Variants in TBL1XR1 observed in about 807,000 individuals in gnomAD.
TBL1XR1 encodes the protein TBL1X/Y related 1.
A neutral mutation model predicts 66.9 loss-of-function variants in TBL1XR1; 5 were observed. The observed-to-expected ratio is 0.07, with a 90% CI of 0.04 to 0.16. The LOEUF (loss-of-function observed/expected upper bound fraction) is 0.16, where lower values mean the gene tolerates loss of function less well. Ranked by LOEUF, TBL1XR1 falls within the 10% of genes least tolerant of loss-of-function variation. The probability of loss-of-function intolerance (pLI) is 1.00; values close to 1 mark genes in which losing one functional copy is unlikely to be tolerated. For synonymous variants in TBL1XR1, 210 were observed against 206.0 expected, an observed-to-expected ratio of 1.02 and a Z score of -0.17; for missense variants, 238 against 623.2, an observed-to-expected ratio of 0.38 and a Z score of 6.58.
At chr3:177,142,319 AGTCACATTT>A (rs1729729788) in intron 1 of TBL1XR1, among the ~76,000 whole-genome samples, 1 of 152,238 alleles carries the variant, frequency 6.6e-6, no homozygotes, top group Admixed American at 6.5e-5. Flanking sequence ...GCAGTTCTGT[AGTCACATTT>A]ATACCTACTC....
intron 1 of TBL1XR1, among the ~76,000 whole-genome samples, chr3:177,125,379 AAC>A (rs1727485507): frequency 6.6e-6 from 1 of 152,150 alleles, no homozygotes; most frequent in South Asian, 2.1e-4. Flanking sequence ...TCAACAAAAA[AAC>A]AGTGATAAGG....
chr3:177,116,238 G>A (rs1726295525), intron 1 of TBL1XR1, among the ~76,000 whole-genome samples: 1 of 152,040 alleles, frequency 6.6e-6, no homozygotes, highest in Non-Finnish European at 1.5e-5. Flanking sequence ...AATTTTCTAT[G>A]TATAAATTTA....
chr3:177,198,383 CTA>C (rs1403912678), upstream of TBL1XR1, among the ~76,000 whole-genome samples: 1 of 152,136 alleles, frequency 6.6e-6, no homozygotes, highest in Non-Finnish European at 1.5e-5. Flanking sequence ...AATAATGTAA[CTA>C]AATGTTTACT....
At position 177,021,221 on chromosome 3, in the gene TBL1XR1, TC is replaced by T. The variant is rs1361481088; in HGVS notation, c.*4276del. ...AAGTCAGGAAAGAAGAAAATTTACT[TC>T]CGTATTCAAGGATTACAGAGCTACA... On this transcript the variant is annotated 3_prime_UTR_variant, in exon 16 of 16. Coordinates refer to ENST00000457928, the MANE Select transcript of TBL1XR1 (RefSeq NM_024665.7). 6.6e-6 allele frequency: 1 copy of T among 152,548 alleles called. No homozygotes were observed. Among genetic ancestry groups the T allele is most frequent in the African/African-American group, 2.4e-5 (1 of 41,440 alleles). 9.4% of individuals were successfully genotyped at this position (152,548 alleles called of 1,614,324 possible).
Position 177,021,869 on chromosome 3 carries a change from C to T in TBL1XR1, c.*3629G>A, listed in dbSNP as rs1712421134. ...TAATCACAGGTTCTGTAGAAATGTA[C>T]AATGTACTTAAGATAATGAAAATTG... On this transcript the variant is annotated 3_prime_UTR_variant, in exon 16 of 16. Coordinates refer to ENST00000457928, the MANE Select transcript of TBL1XR1 (RefSeq NM_024665.7). 6.6e-6 allele frequency: 1 copy of T among 152,558 alleles called. No individual in the cohort carries two copies. The highest frequency in any genetic ancestry group is 2.1e-4 in the South Asian group (1 of 4,830). 9.5% of individuals were successfully genotyped at this position (152,558 alleles called of 1,614,324 possible).
intron 1 of TBL1XR1, chr3:177,126,056 G>GC (rs1444773409): frequency 1.3e-5 from 2 of 152,202 alleles, no homozygotes; most frequent in Non-Finnish European, 2.9e-5. Flanking sequence ...TGTCATCCTT[G>GC]TGCAGGGGAC....
chr3:177,047,697 CCACTAAAGGCCTATGAAACCCTT>C, intron 7 of TBL1XR1, 148 bp from the exon 8 acceptor site: 1 of 758,646 alleles, frequency 1.3e-6, no homozygotes, highest in Admixed American at 2.7e-5. Flanking sequence ...CTTGTGAGTG[CCACTAAAGGCCTATGAAACCCTT>C]CCACTGTGTG....
intron 2 of TBL1XR1, among the ~76,000 whole-genome samples, chr3:177,070,500 A>C (rs1719830942): frequency 6.6e-6 from 1 of 152,228 alleles, no homozygotes; most frequent in Non-Finnish European, 1.5e-5. Context: ...AATCAGTCAC[A>C]GAACTTAAGG....
intron 1 of TBL1XR1, among the ~76,000 whole-genome samples, chr3:177,172,571 T>C (rs972262111): frequency 3.5e-5 from 5 of 144,136 alleles, no homozygotes. Flanking sequence ...TAGTGAGCCA[T>C]AATCGTACCA....
intron 10 of TBL1XR1, among the ~76,000 whole-genome samples, chr3:177,039,770 T>C (rs1347608624): frequency 2.6e-5 from 4 of 152,004 alleles, no homozygotes; most frequent in East Asian, 1.9e-4. Flanking sequence ...TATAGTGCAA[T>C]GGGGGAGGAG....
intron 2 of TBL1XR1, among the ~76,000 whole-genome samples, chr3:177,069,783 AAAAGGAAGGAAAGGAAG>A (rs1719665885): frequency 1.0e-5 from 1 of 95,382 alleles, no homozygotes; most frequent in Non-Finnish European, 2.1e-5. Flanking sequence ...GAAAGGAAGG[AAAAGGAAGGAAAGGAAG>A]GAAGGAAGGA....
At chr3:177,124,995 T>C (rs1312985275) in intron 1 of TBL1XR1, among the ~76,000 whole-genome samples, 1 of 152,012 alleles carries the variant, frequency 6.6e-6, no homozygotes, top group Non-Finnish European at 1.5e-5. Context: ...AGGTCAATCT[T>C]TATGACCTTG....
At chr3:177,107,746 T>G (rs1725060174) in intron 1 of TBL1XR1, among the ~76,000 whole-genome samples, 1 of 152,202 alleles carries the variant, frequency 6.6e-6, no homozygotes, top group South Asian at 2.1e-4. Flanking sequence ...ATATTATATA[T>G]ATTTCAATAC....
intron 1 of TBL1XR1, chr3:177,194,046 A>T (rs1736510387): frequency 6.6e-6 from 1 of 152,238 alleles, no homozygotes; most frequent in Non-Finnish European, 1.5e-5. Context: ...GTTACAGGGC[A>T]ATTAATTGCA....
At chr3:177,031,673 C>T (rs1333305788) in intron 14 of TBL1XR1, among the ~76,000 whole-genome samples, 1 of 148,456 alleles carries the variant, frequency 6.7e-6, no homozygotes, top group Non-Finnish European at 1.5e-5. Context: ...TGCCTGTAAT[C>T]CCAGCACTTT....
At chr3:177,104,145 T>C (rs1296837305) in intron 1 of TBL1XR1, among the ~76,000 whole-genome samples, 3 of 118,816 alleles carry the variant, frequency 2.5e-5, no homozygotes, top group Admixed American at 8.6e-5. Context: ...GAGAGAGAAA[T>C]ATATAAGAAT....
intron 10 of TBL1XR1, among the ~76,000 whole-genome samples, chr3:177,041,402 T>C (rs1715564422): frequency 6.6e-6 from 1 of 152,174 alleles, no homozygotes; most frequent in African/African-American, 2.4e-5. Context: ...ACTGGGCCTT[T>C]CTTCACCAGA....
chr3:177,199,611 G>A (rs1022075668), upstream of TBL1XR1, among the ~76,000 whole-genome samples: 15 of 151,948 alleles, frequency 9.9e-5, no homozygotes, highest in African/African-American at 3.4e-4. Context: ...TTCTTAAAGC[G>A]TCATATTCAA....
intron 1 of TBL1XR1, among the ~76,000 whole-genome samples, chr3:177,125,575 A>C (rs887604690): frequency 1.3e-5 from 2 of 152,180 alleles, no homozygotes; most frequent in Admixed American, 1.3e-4. Context: ...TGTCTTTTTT[A>C]TTTCACAAGA....
Sources: allele counts gnomAD v4.1 joint callset (sites outside exome capture counted in the v4.1 genomes callset), GRCh38; gene constraint gnomAD v4.1.1; transcripts MANE v1.5; gene names NCBI Gene and HGNC (gene_info 2026-07-23, HGNC 2026-07-21).